The following LAMA2 variants were observed in gnomAD, a reference collection of about 807,000 sequenced individuals.
LAMA2 encodes the protein laminin subunit alpha 2, also known as laminin subunit alpha-2.
LAMA2 carries 269 observed loss-of-function variants against 364.8 expected under a neutral mutation model. That is an observed-to-expected ratio of 0.74 (90% CI 0.67 to 0.82). LAMA2 has a LOEUF of 0.82. Among genes scored for constraint, LAMA2 ranks in the 40% least tolerant of loss-of-function variants. The probability of loss-of-function intolerance (pLI) is 0.00; values close to 1 mark genes in which losing one functional copy is unlikely to be tolerated. For missense variants in LAMA2, 3,807 were observed against 3,873.2 expected (o/e 0.98, Z 0.45); for synonymous variants, 1,379 against 1,370.6 (o/e 1.01, Z -0.14).
chr6:129,353,274 T>A lies in LAMA2; in HGVS notation c.4634T>A (p.Phe1545Tyr). The A allele has an allele frequency of 6.2e-7, 1 of 1,614,076 alleles. No individual in the cohort carries two copies. The highest frequency in any genetic ancestry group is 8.5e-7 in the Non-Finnish European group (1 of 1,179,974). Residue 1545 changes from phenylalanine to tyrosine, a missense_variant, in exon 32 of 65, where the codon TTC (phenylalanine) becomes TAC (tyrosine). Physicochemically the swap from Phe to Tyr is conservative, Grantham distance 22 (BLOSUM62 3). This residue lies in a region of LAMA2 where 3,333 missense variants were observed against 3,345.7 expected (regional missense o/e 1.00). Transcript: ENST00000421865. ...LPVPCDPVTGFCTCRPGATGR... is the reference protein window; with the variant it reads ...LPVPCDPVTGYCTCRPGATGR... ...GTGCCCTGTGACCCTGTCACAGGAT[T>A]CTGCACGTGCCGACCTGGAGCCACG...
chr6:129,401,604 G>T (rs1285647204), intron 38 of LAMA2, among the ~76,000 whole-genome samples: 1 of 152,174 alleles, frequency 6.6e-6, no homozygotes, highest in East Asian at 1.9e-4. Flanking sequence ...GACATTTCTT[G>T]TTCCTAGAGC....
At chr6:128,947,621 C>T (rs1485769884) in intron 1 of LAMA2, among the ~76,000 whole-genome samples, 1 of 152,072 alleles carries the variant, frequency 6.6e-6, no homozygotes, top group Non-Finnish European at 1.5e-5. Context: ...TTTATTCTAC[C>T]TAATAAGCAT....
chr6:129,129,923 CAA>C (rs543305057), intron 4 of LAMA2, among the ~76,000 whole-genome samples: 10 of 76,302 alleles, frequency 1.3e-4, no homozygotes, highest in African/African-American at 2.0e-4. Flanking sequence ...GATTCCGTCT[CAA>C]AAAAAAAAAA....
chr6:129,235,042 T>C (rs1784896922), intron 12 of LAMA2, among the ~76,000 whole-genome samples: 1 of 152,144 alleles, frequency 6.6e-6, no homozygotes. Context: ...TTCTGAAATG[T>C]TAAGAAGATA....
intron 1 of LAMA2, among the ~76,000 whole-genome samples, chr6:129,007,738 C>T (rs1490002220): frequency 6.6e-6 from 1 of 152,108 alleles, no homozygotes; most frequent in Non-Finnish European, 1.5e-5. Flanking sequence ...CCTTCTTACT[C>T]CATTTTAGGC....
intron 49 of LAMA2, among the ~76,000 whole-genome samples, chr6:129,461,638 T>G (rs1783259372): frequency 6.6e-6 from 1 of 152,064 alleles, no homozygotes; most frequent in East Asian, 1.9e-4. Flanking sequence ...ACAAAACATC[T>G]AAGGCATTTA....
chr6:129,329,025 A>C (rs989565838), intron 29 of LAMA2, among the ~76,000 whole-genome samples: 5 of 152,082 alleles, frequency 3.3e-5, no homozygotes, highest in Admixed American at 6.6e-5. Flanking sequence ...GGCACCCTGC[A>C]CTCTCTACCA....
chr6:129,278,286 A>G (rs954183171), intron 17 of LAMA2, among the ~76,000 whole-genome samples: 3 of 152,210 alleles, frequency 2.0e-5, no homozygotes, highest in African/African-American at 7.2e-5. Flanking sequence ...CTGATTTAGG[A>G]TTATAAAAAA....
Position 129,149,080 on chromosome 6 carries a change from T to G in LAMA2, c.1011T>G (p.Thr337=). 1 of 1,597,252 alleles carries G rather than the reference T, an allele frequency of 6.3e-7. No homozygotes were observed. The highest frequency in any genetic ancestry group is 1.7e-4 in the Middle Eastern group (1 of 6,034). Residue 337 remains threonine, a synonymous_variant, in exon 7 of 65, where the codon ACT becomes ACG. Transcript: ENST00000421865. ...CCTGGAGAGCTGGAACTTTTCTAAC[T>G]AAAACTGAATGTGAAGGTATGTTCT... is the stretch of plus-strand genomic sequence containing the variant. ...QKPWRAGTFL[T]KTECEACNCH... is the part of the protein sequence containing the mutation.
chr6:129,402,751 A>G lies in LAMA2; in HGVS notation c.5726+264A>G, dbSNP rs3749881. Among the ~76,000 whole-genome samples, 2,657 of 152,300 alleles carry G rather than the reference A, an allele frequency of 0.017. 110 individuals are homozygous for G. Among genetic ancestry groups the G allele is most frequent in the East Asian group, 0.17 (877 of 5,180 alleles). Reference sequence around the variant, plus strand: ...TAGCCCTAGGCTACACTTAGAAAAAATTATTTTCTGTTCTTTATTAAAAAG... The same window carrying G: ...TAGCCCTAGGCTACACTTAGAAAAAGTTATTTTCTGTTCTTTATTAAAAAG... On this transcript the variant is annotated intron_variant, in intron 39 of 64. Transcript: ENST00000421865.
chr6:129,296,927 C>T (rs910547221), intron 20 of LAMA2, among the ~76,000 whole-genome samples: 27 of 152,018 alleles, frequency 1.8e-4, no homozygotes, highest in African/African-American at 5.1e-4. Flanking sequence ...GAAAGTCAGC[C>T]GAAGCTGGTA....
chr6:129,162,473 A>G (rs1562288555), intron 8 of LAMA2, among the ~76,000 whole-genome samples: 2 of 151,690 alleles, frequency 1.3e-5, no homozygotes, highest in Admixed American at 6.6e-5. Context: ...TTTTTTTGGT[A>G]GTGCAGAGCT....
At chr6:129,342,896 A>T (rs1172805470) in intron 30 of LAMA2, among the ~76,000 whole-genome samples, 1 of 152,134 alleles carries the variant, frequency 6.6e-6, no homozygotes, top group East Asian at 1.9e-4. Flanking sequence ...AGATTGGGAA[A>T]TAATTATCAA....
At chr6:129,278,486 G>C (rs1788480463) in intron 17 of LAMA2, among the ~76,000 whole-genome samples, 1 of 152,184 alleles carries the variant, frequency 6.6e-6, no homozygotes. Flanking sequence ...CAAATCACCG[G>C]ATGTGGATGA....
intron 1 of LAMA2, among the ~76,000 whole-genome samples, chr6:128,996,515 A>G (rs1206503437): frequency 6.6e-6 from 1 of 152,224 alleles, no homozygotes; most frequent in Non-Finnish European, 1.5e-5. Flanking sequence ...GCCAACAAAC[A>G]TATGAAAAAA....
At chr6:129,394,731 TAGTA>T (rs768206043) in intron 37 of LAMA2, among the ~76,000 whole-genome samples, 3 of 152,242 alleles carry the variant, frequency 2.0e-5, no homozygotes, top group Non-Finnish European at 4.4e-5. Flanking sequence ...GTGGAAAGCA[TAGTA>T]AGTATTTGAG....
Position 128,967,862 on chromosome 6 carries a change from C to T in LAMA2, c.113-82056C>T, listed in dbSNP as rs146131371. Among the ~76,000 whole-genome samples the T allele has an allele frequency of 1.7e-3, 252 of 152,154 alleles. 3 individuals carry two copies. The highest frequency in any genetic ancestry group is 0.015 in the Admixed American group (229 of 15,266). On this transcript the variant is annotated intron_variant, in intron 1 of 64. Transcript: ENST00000421865. ...TCAGATTATTATCTCAGATTATTAT[C>T]TATTACACCTCAGATTATTTCTATT...
chr6:128,905,536 A>T (rs1292106270), intron 1 of LAMA2: 2 of 152,160 alleles, frequency 1.3e-5, no homozygotes, highest in African/African-American at 4.8e-5. Context: ...AGATATTTAG[A>T]GTATGATATA....
chr6:129,507,746 C>G, intron 62 of LAMA2, 104 bp downstream of exon 62: 1 of 1,195,268 alleles, frequency 8.4e-7, no homozygotes, highest in Non-Finnish European at 1.2e-6. Flanking sequence ...AAACTAGTAT[C>G]CTTTATTTAA....
Sources: allele counts gnomAD v4.1 joint callset (sites outside exome capture counted in the v4.1 genomes callset), GRCh38; gene constraint gnomAD v4.1.1; regional missense constraint gnomAD v4.1.1; transcripts MANE v1.5; gene names NCBI Gene and HGNC (gene_info 2026-07-23, HGNC 2026-07-21).